Variants in SAMMSON observed in about 807,000 individuals in gnomAD.
SAMMSON encodes long intergenic non-protein coding RNA 1212.
intron 7 of SAMMSON, among the ~76,000 whole-genome samples, chr3:70,352,334 C>G (rs1702800221): frequency 6.6e-6 from 1 of 151,904 alleles, no homozygotes; most frequent in Non-Finnish European, 1.5e-5. Flanking sequence ...TCAGAGAGAC[C>G]ATGGAAGCTA....
chr3:70,314,947 C>G (rs952067637), intron 7 of SAMMSON, among the ~76,000 whole-genome samples: 2 of 152,088 alleles, frequency 1.3e-5, no homozygotes, highest in African/African-American at 4.8e-5. Context: ...GTCCCAAGAG[C>G]AATCCACTGC....
chr3:70,007,326 T>G (rs2066931714), intron 1 of SAMMSON, among the ~76,000 whole-genome samples: 1 of 152,220 alleles, frequency 6.6e-6, no homozygotes. Flanking sequence ...CCTGACTTTT[T>G]AATGATCGCC....
chr3:70,115,224 AAAG>A (rs1383054842), intron 4 of SAMMSON, among the ~76,000 whole-genome samples: 265 of 150,266 alleles, frequency 1.8e-3, no homozygotes, highest in African/African-American at 6.1e-3. Context: ...AAAAAAAAAA[AAAG>A]AAAGAAAGAA....
At chr3:70,097,555 G>A (rs1030453559) in intron 4 of SAMMSON, among the ~76,000 whole-genome samples, 1 of 152,184 alleles carries the variant, frequency 6.6e-6, no homozygotes, top group Non-Finnish European at 1.5e-5. Flanking sequence ...CCCCAAATCA[G>A]GATGAATCGT....
At position 70,220,370 on chromosome 3, in the gene SAMMSON, G is replaced by T. The variant is rs74649537; in HGVS notation, n.508-28737G>T. Among the ~76,000 whole-genome samples the T allele has an allele frequency of 2.9e-3, 435 of 152,074 alleles. 1 individual carries two copies. The highest frequency in any genetic ancestry group is 0.02 in the Middle Eastern group (6 of 294). On this transcript the variant is annotated intron_variant and non_coding_transcript_variant, in intron 4 of 9. Transcript: ENST00000642114. ...AACTTGGCTCCAGGAGTTTGAAGCT[G>T]CAGTGCTGCAGTGAGCTATGATGGC...
chr3:70,411,025 G>A (rs1417609196), intron 2 of SAMMSON, among the ~76,000 whole-genome samples: 1 of 152,138 alleles, frequency 6.6e-6, no homozygotes, highest in East Asian at 1.9e-4. Flanking sequence ...CATTGACATT[G>A]TTTAGCACAA....
intron 6 of SAMMSON, among the ~76,000 whole-genome samples, chr3:70,290,571 G>C (rs576044006): frequency 6.6e-6 from 1 of 152,358 alleles, no homozygotes; most frequent in Non-Finnish European, 1.5e-5. Context: ...GCCTCCTTGA[G>C]CTGTGGTGGG....
intron 9 of SAMMSON, among the ~76,000 whole-genome samples, chr3:70,362,780 T>C (rs1702883280): frequency 6.6e-6 from 1 of 151,234 alleles, no homozygotes; most frequent in East Asian, 2.0e-4. Context: ...ATCTGTGAAA[T>C]TTTGGTAACC....
chr3:70,137,841 A>G (rs1295280353), intron 4 of SAMMSON, among the ~76,000 whole-genome samples: 1 of 152,190 alleles, frequency 6.6e-6, no homozygotes, highest in African/African-American at 2.4e-5. Context: ...TAGATTTTAC[A>G]CTTCTAGCAC....
At chr3:70,256,795 C>T (rs1038579647) in intron 6 of SAMMSON, among the ~76,000 whole-genome samples, 3 of 152,200 alleles carry the variant, frequency 2.0e-5, no homozygotes, top group African/African-American at 7.2e-5. Context: ...GTTCTCTAAA[C>T]ATATGTAATA....
At chr3:70,137,630 T>G (rs2067511336) in intron 4 of SAMMSON, 1 of 152,192 alleles carries the variant, frequency 6.6e-6, no homozygotes, top group Non-Finnish European at 1.5e-5. Context: ...ACACTTACAC[T>G]GTCCAATGGA....
chr3:70,136,162 G>A (rs550880408), intron 4 of SAMMSON, among the ~76,000 whole-genome samples: 1 of 152,286 alleles, frequency 6.6e-6, no homozygotes, highest in African/African-American at 2.4e-5. Flanking sequence ...GTAGTTGCCA[G>A]CTTCCAAGAT....
intron 7 of SAMMSON, among the ~76,000 whole-genome samples, chr3:70,353,301 TGA>T (rs538345508): frequency 1.8e-3 from 267 of 152,120 alleles, no homozygotes; most frequent in African/African-American, 6.1e-3. Flanking sequence ...AGCTACTTAC[TGA>T]GAGAGAATGT....
chr3:70,081,681 T>C (rs1373596338), intron 4 of SAMMSON, among the ~76,000 whole-genome samples: 1 of 152,164 alleles, frequency 6.6e-6, no homozygotes, highest in Non-Finnish European at 1.5e-5. Flanking sequence ...ATGAATGAAG[T>C]CACTTAAAGG....
At chr3:70,140,806 C>T (rs1456910408) in intron 4 of SAMMSON, among the ~76,000 whole-genome samples, 1 of 152,144 alleles carries the variant, frequency 6.6e-6, no homozygotes, top group Non-Finnish European at 1.5e-5. Context: ...GCCTTTCTTC[C>T]ATTGCCCAAT....
At chr3:70,225,488 T>C (rs1701495877) in intron 4 of SAMMSON, among the ~76,000 whole-genome samples, 1 of 152,200 alleles carries the variant, frequency 6.6e-6, no homozygotes, top group Admixed American at 6.5e-5. Flanking sequence ...CCCACTCTTT[T>C]GTTCATTTGC....
intron 6 of SAMMSON, among the ~76,000 whole-genome samples, chr3:70,254,152 C>CAA (rs11375266): frequency 0.02 from 3,031 of 151,788 alleles, 124 homozygotes; most frequent in African/African-American, 0.07. Context: ...TCCAATTACA[C>CAA]AAAAAAAATT....
intron 1 of SAMMSON, among the ~76,000 whole-genome samples, chr3:70,007,063 T>A (rs533503864): frequency 6.6e-6 from 1 of 152,198 alleles, no homozygotes; most frequent in Non-Finnish European, 1.5e-5. Context: ...GACGTTTGGG[T>A]TGGTTCCAAG....
chr3:70,383,808 T>C (rs978178788), intron 9 of SAMMSON, among the ~76,000 whole-genome samples: 9 of 152,038 alleles, frequency 5.9e-5, no homozygotes, highest in Admixed American at 5.3e-4. Context: ...TACTAACGCA[T>C]TATTATTTTA....
Sources: gnomAD v4.1 joint callset for allele counts (sites outside exome capture counted in the v4.1 genomes callset) on GRCh38, gnomAD v4.1.1 for gene constraint, MANE v1.5 for transcripts, NCBI Gene and HGNC (gene_info 2026-07-23, HGNC 2026-07-21) for gene names.